CNTN6: variants seen among roughly 807,000 people sequenced by gnomAD.
CNTN6 encodes contactin 6, also known as contactin-6.
In CNTN6, 137 loss-of-function variants were observed where a neutral mutation model predicts 122.8. The observed-to-expected ratio is 1.12, with a 90% CI of 0.97 to 1.29. The LOEUF (loss-of-function observed/expected upper bound fraction) is 1.29, where lower values mean the gene tolerates loss of function less well. Ranked by LOEUF, CNTN6 falls within the 50% of genes most tolerant of loss-of-function variation. The pLI, the probability that CNTN6 is intolerant of heterozygous loss-of-function variation, is 0.00. For synonymous variants in CNTN6, 570 were observed against 426.0 expected (o/e 1.34, Z -4.16); for missense variants, 1,634 against 1,223.4 (o/e 1.34, Z -5.01).
chr3:1,245,832 A>G (rs1207306846), intron 4 of CNTN6, among the ~76,000 whole-genome samples: 1 of 152,158 alleles, frequency 6.6e-6, no homozygotes, highest in South Asian at 2.1e-4. Context: ...GGAGTGTCCA[A>G]TCTTTTGGCT....
chr3:1,335,200 A>G (rs563789380), intron 11 of CNTN6, among the ~76,000 whole-genome samples: 6 of 152,270 alleles, frequency 3.9e-5, no homozygotes, highest in African/African-American at 1.2e-4. Flanking sequence ...ATGAGGTTAT[A>G]AGAGACTCAG....
At chr3:1,249,013 G>T (rs995482069) in intron 4 of CNTN6, among the ~76,000 whole-genome samples, 1 of 152,162 alleles carries the variant, frequency 6.6e-6, no homozygotes, top group Non-Finnish European at 1.5e-5. Flanking sequence ...GATTCAGTAG[G>T]TCTAAAGTGA....
chr3:1,352,041 C>G (rs1387712666), intron 11 of CNTN6, among the ~76,000 whole-genome samples: 1 of 151,832 alleles, frequency 6.6e-6, no homozygotes, highest in African/African-American at 2.4e-5. Context: ...ATTATACTAC[C>G]AAGCACTGCT....
At chr3:1,146,855 T>A (rs17034311) in intron 1 of CNTN6, among the ~76,000 whole-genome samples, 1,987 of 152,268 alleles carry the variant, frequency 0.013, 29 homozygotes, top group African/African-American at 0.037. Flanking sequence ...AATGGAAAGA[T>A]GATGTCAGAT....
At chr3:1,305,797 T>C (rs955407374) in intron 7 of CNTN6, among the ~76,000 whole-genome samples, 20 of 152,126 alleles carry the variant, frequency 1.3e-4, no homozygotes, top group African/African-American at 4.8e-4. Flanking sequence ...TATGTGTACA[T>C]GTATAACTTA....
chr3:1,239,624 A>C (rs567235808), intron 4 of CNTN6, among the ~76,000 whole-genome samples: 1 of 152,314 alleles, frequency 6.6e-6, no homozygotes, highest in South Asian at 2.1e-4. Flanking sequence ...AGTCAGTGCA[A>C]TTCCCATCAA....
At chr3:1,269,767 G>A (rs931098136) in intron 4 of CNTN6, among the ~76,000 whole-genome samples, 1 of 151,978 alleles carries the variant, frequency 6.6e-6, no homozygotes, top group Non-Finnish European at 1.5e-5. Context: ...TGCATTATGT[G>A]CTCCTTACTA....
rs760010268 is a variant in CNTN6, at chr3:1,344,621, G to A, written c.1365-7703G>A. ...AGAGAGTTTAGGCTTTTGTCTGGCAGGTTCTGTGAAGGAGGGTACTCAAAG... is the reference window on the plus strand; with the variant it reads ...AGAGAGTTTAGGCTTTTGTCTGGCAAGTTCTGTGAAGGAGGGTACTCAAAG... On this transcript the variant is annotated intron_variant, in intron 11 of 22. Coordinates refer to ENST00000446702, the MANE Select transcript of CNTN6 (RefSeq NM_001289080.2). Among the ~76,000 whole-genome samples the A allele has an allele frequency of 6.5e-4, 99 of 152,132 alleles. 1 individual carries two copies. Among genetic ancestry groups the A allele is most frequent in the Non-Finnish European group, 1.8e-4 (12 of 68,028 alleles).
intron 4 of CNTN6, among the ~76,000 whole-genome samples, chr3:1,257,143 A>G (rs2094772518): frequency 6.6e-6 from 1 of 152,038 alleles, no homozygotes. Context: ...AACTTTTCTT[A>G]TCTGTTTATT....
At chr3:1,321,140 A>G (rs1368027320) in intron 7 of CNTN6, among the ~76,000 whole-genome samples, 2 of 151,652 alleles carry the variant, frequency 1.3e-5, no homozygotes, top group Non-Finnish European at 2.9e-5. Flanking sequence ...GTTACCTATT[A>G]GTACCAGTTT....
chr3:1,200,107 C>T (rs1359267159), intron 2 of CNTN6, among the ~76,000 whole-genome samples: 1 of 152,058 alleles, frequency 6.6e-6, no homozygotes, highest in Non-Finnish European at 1.5e-5. Flanking sequence ...CTGAGGCTGT[C>T]ACTGCAATGT....
intron 5 of CNTN6, among the ~76,000 whole-genome samples, chr3:1,284,542 C>A (rs919267265): frequency 6.6e-6 from 1 of 152,038 alleles, no homozygotes; most frequent in Non-Finnish European, 1.5e-5. Context: ...ATTCACTCAA[C>A]AAATATTTAT....
chr3:1,313,760 G>T (rs155408), intron 7 of CNTN6, among the ~76,000 whole-genome samples: 1,710 of 152,112 alleles, frequency 0.011, 35 homozygotes, highest in African/African-American at 0.039. Context: ...GAATTGGCTT[G>T]TGAACAACAG....
rs185402346 is a variant in CNTN6, at chr3:1,260,731, T to C, written c.359-17682T>C. Among the ~76,000 whole-genome samples the C allele has an allele frequency of 1.2e-3, 176 of 152,122 alleles. 1 individual carries two copies. The highest frequency in any genetic ancestry group is 0.01 in the Admixed American group (158 of 15,250). The stretch of plus-strand genomic sequence containing the variant: ...ATGCTGTTCTCTTGATAATGAGTTC[T>C]CACGAGATCTGATAATTTAAAGGGG... On this transcript the variant is annotated intron_variant, in intron 4 of 22. Transcript: ENST00000446702.
At chr3:1,164,912 G>A (rs1415764791) in intron 2 of CNTN6, among the ~76,000 whole-genome samples, 1 of 152,112 alleles carries the variant, frequency 6.6e-6, no homozygotes, top group Non-Finnish European at 1.5e-5. Context: ...ACATCTGAGT[G>A]GATTTTTTTG....
At chr3:1,115,825 A>T (rs9845241) in intron 1 of CNTN6, among the ~76,000 whole-genome samples, 128,460 of 152,114 alleles carry the variant, frequency 0.84, 55,318 homozygotes, top group East Asian at 0.99. Flanking sequence ...CGTTTCAGTT[A>T]TGATAGCCAG....
chr3:1,110,116 A>G (rs1385851497), intron 1 of CNTN6, among the ~76,000 whole-genome samples: 2 of 151,972 alleles, frequency 1.3e-5, no homozygotes, highest in African/African-American at 4.8e-5. Flanking sequence ...TATGTTTTTC[A>G]CATCTGATAT....
chr3:1,245,314 A>ATAT (rs2094565865), intron 4 of CNTN6, among the ~76,000 whole-genome samples: 2 of 22,450 alleles, frequency 8.9e-5, no homozygotes, highest in Non-Finnish European at 8.9e-5. Context: ...ATATATATAT[A>ATAT]TATATATATA....
At chr3:1,333,005 G>A (rs555623252) in intron 11 of CNTN6, among the ~76,000 whole-genome samples, 5 of 151,970 alleles carry the variant, frequency 3.3e-5, no homozygotes, top group African/African-American at 4.8e-5. Context: ...CATCAAAATA[G>A]CAGTTAATTT....
Sources: allele counts gnomAD v4.1 joint callset (sites outside exome capture counted in the v4.1 genomes callset), GRCh38; gene constraint gnomAD v4.1.1; transcripts MANE v1.5; gene names NCBI Gene and HGNC (gene_info 2026-07-23, HGNC 2026-07-21).